The following PAN3 variants were observed in gnomAD, a reference collection of about 807,000 sequenced individuals.
The protein encoded by PAN3 is PAN2-PAN3 deadenylation complex subunit PAN3.
PAN3 carries 19 observed loss-of-function variants against 96.2 expected under a neutral mutation model. The observed-to-expected ratio is 0.20, with a 90% CI of 0.14 to 0.29. The LOEUF (loss-of-function observed/expected upper bound fraction) is 0.29, where lower values mean the gene tolerates loss of function less well. Among genes scored for constraint, PAN3 ranks in the 10% least tolerant of loss-of-function variants. PAN3 has a pLI of 1.00. For missense variants in PAN3, 882 were observed against 1,108.1 expected (o/e 0.80, Z 2.90); for synonymous variants, 433 against 406.6 (o/e 1.06, Z -0.78).
At chr13:28,139,622 A>G (rs538393505) in intron 1 of PAN3, among the ~76,000 whole-genome samples, 2 of 151,584 alleles carry the variant, frequency 1.3e-5, no homozygotes, top group East Asian at 3.9e-4. Flanking sequence ...AAGTTTGTAG[A>G]AGGCTTGCGG....
chr13:28,194,484 T>C (rs1417045164), intron 4 of PAN3, among the ~76,000 whole-genome samples: 1 of 141,088 alleles, frequency 7.1e-6, no homozygotes, highest in African/African-American at 2.6e-5. Flanking sequence ...TTTTTTTTTT[T>C]TGTAGAGACG....
Position 28,292,655 on chromosome 13 carries a change from A to T in PAN3, c.*133A>T, listed in dbSNP as rs1869895330. On this transcript the variant is annotated 3_prime_UTR_variant, in exon 19 of 19. Coordinates refer to ENST00000380958, the MANE Select transcript of PAN3 (RefSeq NM_175854.8). ...AGATGAGCAAAGCTGCTTGCACTTCAGTCAGGTACACTGTTACTTGAAAGG... is the reference window on the plus strand; with the variant it reads ...AGATGAGCAAAGCTGCTTGCACTTCTGTCAGGTACACTGTTACTTGAAAGG... 1 of 775,046 alleles carries T rather than the reference A, an allele frequency of 1.3e-6. No individual in the cohort carries two copies. Among genetic ancestry groups the T allele is most frequent in the African/African-American group, 1.8e-5 (1 of 56,358 alleles). 48.0% of individuals were successfully genotyped at this position (775,046 alleles called of 1,614,324 possible).
intron 1 of PAN3, among the ~76,000 whole-genome samples, chr13:28,168,392 T>G (rs1170619161): frequency 6.6e-6 from 1 of 152,158 alleles, no homozygotes; most frequent in East Asian, 1.9e-4. Context: ...ATAATAAACC[T>G]TTAATACAGA....
intron 5 of PAN3, among the ~76,000 whole-genome samples, chr13:28,214,194 G>A (rs947360006): frequency 2.0e-5 from 3 of 152,276 alleles, no homozygotes; most frequent in South Asian, 2.1e-4. Flanking sequence ...TCACTGCTAC[G>A]TTTTTAACCA....
chr13:28,167,993 C>T (rs1370220522), intron 1 of PAN3, among the ~76,000 whole-genome samples: 1 of 152,206 alleles, frequency 6.6e-6, no homozygotes, highest in Non-Finnish European at 1.5e-5. Context: ...TCACCTTACA[C>T]CTCTTTTCTA....
intron 7 of PAN3, among the ~76,000 whole-genome samples, chr13:28,256,758 A>G (rs1885178572): frequency 6.6e-6 from 1 of 152,240 alleles, no homozygotes; most frequent in Non-Finnish European, 1.5e-5. Flanking sequence ...TGGTTTAATC[A>G]GAAATTAGAT....
In PAN3 at chr13:28,295,016, A is replaced by AAAC. The variant is rs1870156070; in HGVS notation, c.*2495_*2497dup. The AAAC allele has an allele frequency of 1.1e-4, 16 of 152,312 alleles. 2 individuals carry two copies. The South Asian group carries it at 3.1e-3, about 30-fold the overall frequency. 9.4% of individuals were successfully genotyped at this position (152,312 alleles called of 1,614,324 possible). ...CCAAGAGTAGTCAAATTAAGGATAT[A>AAAC]AACTTTCCACACCTTCCTGTCGTGA... On this transcript the variant is annotated 3_prime_UTR_variant, in exon 19 of 19. Transcript: ENST00000380958.
rs893542554 is a variant in PAN3 at position 28,260,382 on chromosome 13, A to G, written c.1249-65A>G. On this transcript the variant is annotated intron_variant, in intron 7 of 18. Coordinates refer to ENST00000380958, the MANE Select transcript of PAN3 (RefSeq NM_175854.8). ...GAACTCCAGCCTGGGCAACAGAGCA[A>G]GACTCCATCTGAAAAAAAGAAAGAA... The G allele has an allele frequency of 2.4e-6, 3 of 1,269,584 alleles. No homozygotes were observed. In the African/African-American group the frequency reaches 4.4e-5, roughly 19 times the overall value. 78.6% of individuals were successfully genotyped at this position (1,269,584 alleles called of 1,614,324 possible). A position where few individuals can be genotyped will look rare whatever the true frequency, so the allele number is the denominator to read the frequency against.
At chr13:28,208,270 T>C (rs549916286) in intron 5 of PAN3, among the ~76,000 whole-genome samples, 2 of 152,304 alleles carry the variant, frequency 1.3e-5, no homozygotes, top group Non-Finnish European at 2.9e-5. Context: ...TAAGTAGCAA[T>C]AATCGTAGCT....
chr13:28,161,461 A>G (rs561919068), intron 1 of PAN3, among the ~76,000 whole-genome samples: 1 of 152,072 alleles, frequency 6.6e-6, no homozygotes. Context: ...TTATAATGTC[A>G]CCAGTCATAC....
intron 14 of PAN3, 119 bp downstream of exon 14, chr13:28,272,190 A>G: frequency 1.6e-6 from 1 of 625,942 alleles, no homozygotes; most frequent in South Asian, 2.7e-5. Flanking sequence ...GGTGGTGTCT[A>G]TGCAGACTTT....
At chr13:28,285,895 TTTTG>T (rs1181763419) in intron 17 of PAN3, among the ~76,000 whole-genome samples, 2 of 152,194 alleles carry the variant, frequency 1.3e-5, no homozygotes, top group Non-Finnish European at 2.9e-5. Context: ...GGTGGTTGGT[TTTTG>T]TTTGTCTTAG....
chr13:28,207,814 T>C (rs1243344881), intron 5 of PAN3, among the ~76,000 whole-genome samples: 1 of 152,236 alleles, frequency 6.6e-6, no homozygotes, highest in Non-Finnish European at 1.5e-5. Flanking sequence ...ATGGATGTTC[T>C]GAGTTCTTGA....
At chr13:28,176,179 A>T (rs1874956037) in intron 2 of PAN3, among the ~76,000 whole-genome samples, 1 of 152,218 alleles carries the variant, frequency 6.6e-6, no homozygotes, top group African/African-American at 2.4e-5. Context: ...TTCAGTGGAT[A>T]TTGGAATTTA....
chr13:28,155,821 A>G (rs368119831), intron 1 of PAN3, among the ~76,000 whole-genome samples: 1 of 152,204 alleles, frequency 6.6e-6, no homozygotes. Flanking sequence ...TGAGGCATAC[A>G]TACCTGGTAG....
At chr13:28,213,141 C>T (rs913440036) in intron 5 of PAN3, among the ~76,000 whole-genome samples, 1 of 151,948 alleles carries the variant, frequency 6.6e-6, no homozygotes. Flanking sequence ...AAAAAAAACC[C>T]AAACACCAAA....
intron 1 of PAN3, among the ~76,000 whole-genome samples, chr13:28,157,957 G>A (rs149820250): frequency 6.6e-6 from 1 of 152,246 alleles, no homozygotes; most frequent in East Asian, 1.9e-4. Flanking sequence ...ATACTTCAAG[G>A]CTGTAGTAAT....
intron 15 of PAN3, 120 bp from the exon 16 acceptor site, chr13:28,280,292 A>G: frequency 8.2e-7 from 1 of 1,220,012 alleles, no homozygotes; most frequent in South Asian, 1.7e-5. Context: ...TGCATGAATT[A>G]AAATGTTTTC....
intron 5 of PAN3, among the ~76,000 whole-genome samples, chr13:28,201,872 G>A (rs1430559904): frequency 3.3e-5 from 5 of 151,958 alleles, no homozygotes. Context: ...TTTGCATGTG[G>A]GTAAATATGC....
Sources: allele counts gnomAD v4.1 joint callset (sites outside exome capture counted in the v4.1 genomes callset), GRCh38; gene constraint gnomAD v4.1.1; transcripts MANE v1.5; gene names NCBI Gene and HGNC (gene_info 2026-07-23, HGNC 2026-07-21).